The following UBAP1 variants were observed in gnomAD, a reference collection of about 807,000 sequenced individuals.
UBAP1 encodes ubiquitin-associated protein 1.
In UBAP1, 5 loss-of-function variants were observed where a neutral mutation model predicts 39.0. The observed-to-expected ratio is 0.13, with a 90% CI of 0.07 to 0.27. The LOEUF (loss-of-function observed/expected upper bound fraction) is 0.27, where lower values mean the gene tolerates loss of function less well. UBAP1 is among the 10% of genes least tolerant of loss of function. The probability of loss-of-function intolerance (pLI) is 1.00; values close to 1 mark genes in which losing one functional copy is unlikely to be tolerated. For synonymous variants in UBAP1, 211 were observed against 225.1 expected (o/e 0.94, Z 0.56); for missense variants, 490 against 608.1 (o/e 0.81, Z 2.04).
chr9:34,235,232 A>T (rs1258442054), intron 3 of UBAP1, among the ~76,000 whole-genome samples: 10 of 152,214 alleles, frequency 6.6e-5, no homozygotes, highest in Admixed American at 6.5e-4. Flanking sequence ...TTATAAAGTT[A>T]AAAAGGCACA....
intron 3 of UBAP1, among the ~76,000 whole-genome samples, chr9:34,239,938 C>CT (rs1833878245): frequency 6.6e-6 from 1 of 152,094 alleles, no homozygotes; most frequent in Admixed American, 6.6e-5. Context: ...TCCAAGTATT[C>CT]TACATTACTT....
intron 1 of UBAP1, among the ~76,000 whole-genome samples, chr9:34,202,267 G>C (rs2131536238): frequency 6.6e-6 from 1 of 152,226 alleles, no homozygotes; most frequent in Middle Eastern, 3.4e-3. Flanking sequence ...GAGTAGCTGG[G>C]ATTACAGGCA....
In UBAP1 at chr9:34,250,579, C is replaced by T; in HGVS notation, c.1267-79C>T. On this transcript the variant is annotated intron_variant, in intron 5 of 6. Coordinates refer to ENST00000297661, the MANE Select transcript of UBAP1 (RefSeq NM_016525.5). ...TGGGTGGGGCGGAGAACGGACTTCA[C>T]ACACTAGTTTGTTGAGGTCTCTTGG... 2.6e-6 allele frequency: 3 copies of T among 1,167,930 alleles called. No homozygotes were observed. In the East Asian group the frequency reaches 7.3e-5, roughly 28 times the overall value. 72.3% of individuals were successfully genotyped at this position (1,167,930 alleles called of 1,614,324 possible).
intron 2 of UBAP1, among the ~76,000 whole-genome samples, chr9:34,227,709 C>T (rs911241989): frequency 6.6e-6 from 1 of 152,202 alleles, no homozygotes; most frequent in African/African-American, 2.4e-5. Context: ...AGCCATGAGG[C>T]ATGCACTTAG....
chr9:34,198,813 C>G (rs1345361829), intron 1 of UBAP1, among the ~76,000 whole-genome samples: 1 of 152,192 alleles, frequency 6.6e-6, no homozygotes, highest in Non-Finnish European at 1.5e-5. Context: ...CTTTTTCCCA[C>G]TGCAGAAACT....
At chr9:34,208,687 T>G (rs10971997) in intron 1 of UBAP1, among the ~76,000 whole-genome samples, 1 of 150,486 alleles carries the variant, frequency 6.6e-6, no homozygotes, top group Non-Finnish European at 1.5e-5. Flanking sequence ...CTGAGGCAGG[T>G]CAATGGCGTG....
At chr9:34,217,034 C>G (rs1006048578) in intron 1 of UBAP1, among the ~76,000 whole-genome samples, 4 of 152,082 alleles carry the variant, frequency 2.6e-5, no homozygotes, top group Admixed American at 6.6e-5. Context: ...TTACTACCCT[C>G]CCCACCTCTC....
chr9:34,201,175 A>T lies in UBAP1; in HGVS notation c.-7-19733A>T, dbSNP rs1831349225. On this transcript the variant is annotated intron_variant, in intron 1 of 6. Coordinates refer to ENST00000297661, the MANE Select transcript of UBAP1 (RefSeq NM_016525.5). ...GGTGATCCACCAGCCTTGGCCTCCC[A>T]AAGTGCTGGGATTACAGGTGTGAGC... 2.0e-5 allele frequency: 3 copies of T among 152,206 alleles called. No homozygotes were observed. The South Asian group carries it at 6.2e-4, about 32-fold the overall frequency. 9.4% of individuals were successfully genotyped at this position (152,206 alleles called of 1,614,324 possible).
intron 3 of UBAP1, 143 bp downstream of exon 3, chr9:34,234,483 C>A: frequency 1.0e-6 from 1 of 981,844 alleles, no homozygotes; most frequent in Non-Finnish European, 1.4e-6. Context: ...AATGGTGGTC[C>A]CATAAAATTA....
chr9:34,213,573 G>A (rs1832135558), intron 1 of UBAP1, among the ~76,000 whole-genome samples: 1 of 152,036 alleles, frequency 6.6e-6, no homozygotes, highest in Admixed American at 6.6e-5. Context: ...AATACTGAAT[G>A]GGGAAAAGTG....
At chr9:34,199,096 C>G (rs781393946) in intron 1 of UBAP1, among the ~76,000 whole-genome samples, 2 of 152,044 alleles carry the variant, frequency 1.3e-5, no homozygotes, top group Non-Finnish European at 2.9e-5. Flanking sequence ...TTTTTTGAGA[C>G]GGAGCCTCGC....
chr9:34,203,323 A>T (rs193250040), intron 1 of UBAP1, among the ~76,000 whole-genome samples: 45 of 152,320 alleles, frequency 3.0e-4, no homozygotes, highest in Non-Finnish European at 4.6e-4. Flanking sequence ...AAAAACAAGG[A>T]TCAACAAAAA....
At chr9:34,212,992 A>G (rs1832101383) in intron 1 of UBAP1, among the ~76,000 whole-genome samples, 2 of 152,256 alleles carry the variant, frequency 1.3e-5, no homozygotes, top group South Asian at 2.1e-4. Context: ...TATCAAAAAG[A>G]TAATCCACCA....
chr9:34,223,286 C>T (rs185527602), intron 2 of UBAP1, among the ~76,000 whole-genome samples: 11 of 151,578 alleles, frequency 7.3e-5, no homozygotes, highest in Admixed American at 1.3e-4. Context: ...CAAAATTAGC[C>T]GGGTGTAGTG....
intron 1 of UBAP1, among the ~76,000 whole-genome samples, chr9:34,184,021 C>T (rs373947648): frequency 1.9e-4 from 29 of 152,042 alleles, no homozygotes; most frequent in Non-Finnish European, 3.5e-4. Context: ...CCATCCGCTT[C>T]GGCCTCCCAA....
At chr9:34,226,121 G>GTGTGTGTGTGTGTGTGTGTT (rs1554650800) in intron 2 of UBAP1, among the ~76,000 whole-genome samples, 103 of 98,318 alleles carry the variant, frequency 1.0e-3, no homozygotes, top group South Asian at 3.4e-3. Flanking sequence ...GTGTGTGTGT[G>GTGTGTGTGTGTGTGTGTGTT]TGTGTGTGTG....
chr9:34,211,867 G>T, intron 1 of UBAP1: 1 of 210,524 alleles, frequency 4.8e-6, no homozygotes, highest in African/African-American at 2.3e-5. Flanking sequence ...TCTTTAACCA[G>T]TAATTCAGAT....
chr9:34,223,505 A>G (rs937756484), intron 2 of UBAP1, among the ~76,000 whole-genome samples: 1 of 151,880 alleles, frequency 6.6e-6, no homozygotes, highest in African/African-American at 2.4e-5. Context: ...CCCAGGCTGG[A>G]GTGCAGTAGC....
At chr9:34,199,105 G>A (rs1046050376) in intron 1 of UBAP1, among the ~76,000 whole-genome samples, 3 of 152,138 alleles carry the variant, frequency 2.0e-5, no homozygotes, top group East Asian at 1.9e-4. Context: ...ACGGAGCCTC[G>A]CTCTGTCGCG....
Sources: gnomAD v4.1 joint callset for allele counts (sites outside exome capture counted in the v4.1 genomes callset) on GRCh38, gnomAD v4.1.1 for gene constraint, MANE v1.5 for transcripts, NCBI Gene and HGNC (gene_info 2026-07-23, HGNC 2026-07-21) for gene names.